Variants in HTR7 observed in about 807,000 individuals in gnomAD.
HTR7 encodes 5-HT-7.
In HTR7, 16 loss-of-function variants were observed where a neutral mutation model predicts 34.0. The observed-to-expected ratio is 0.47, with a 90% CI of 0.32 to 0.71. HTR7 has a LOEUF of 0.71. Ranked by LOEUF, HTR7 falls within the 30% of genes least tolerant of loss-of-function variation. The pLI is 0.04. For missense variants in HTR7, 504 were observed against 625.5 expected (o/e 0.81, Z 2.07); for synonymous variants, 265 against 260.2 (o/e 1.02, Z -0.18).
At chr10:90,816,644 C>T (rs1315745375) in intron 1 of HTR7, among the ~76,000 whole-genome samples, 1 of 152,136 alleles carries the variant, frequency 6.6e-6, no homozygotes, top group African/African-American at 2.4e-5. Flanking sequence ...TGTTTCACTT[C>T]GTCTGAGAAA....
intron 1 of HTR7, among the ~76,000 whole-genome samples, chr10:90,798,501 G>A (rs1206523626): frequency 6.6e-6 from 1 of 152,142 alleles, no homozygotes; most frequent in Non-Finnish European, 1.5e-5. Flanking sequence ...GATCACTTGA[G>A]CCCAAGAGTT....
chr10:90,813,485 G>A (rs1295081675), intron 1 of HTR7, among the ~76,000 whole-genome samples: 1 of 151,020 alleles, frequency 6.6e-6, no homozygotes, highest in Non-Finnish European at 1.5e-5. Flanking sequence ...TCATGCCACT[G>A]CACCCCAGCC....
At chr10:90,792,221 C>T (rs931330927) in intron 1 of HTR7, among the ~76,000 whole-genome samples, 1 of 152,014 alleles carries the variant, frequency 6.6e-6, no homozygotes, top group Non-Finnish European at 1.5e-5. Context: ...ATGTATAAGG[C>T]AAAGTAGTGC....
chr10:90,855,388 G>A (rs1846563124), intron 1 of HTR7, among the ~76,000 whole-genome samples: 1 of 152,228 alleles, frequency 6.6e-6, no homozygotes, highest in African/African-American at 2.4e-5. Flanking sequence ...CAGAAGAGGA[G>A]AAACACTGGC....
chr10:90,754,465 C>T (rs1163442159), intron 1 of HTR7, among the ~76,000 whole-genome samples: 1 of 151,952 alleles, frequency 6.6e-6, no homozygotes, highest in Non-Finnish European at 1.5e-5. Flanking sequence ...TTTAATCACA[C>T]TAACATTTTA....
chr10:90,801,914 T>C (rs753247240), intron 1 of HTR7, among the ~76,000 whole-genome samples: 1 of 152,198 alleles, frequency 6.6e-6, no homozygotes, highest in South Asian at 2.1e-4. Context: ...TTTTTGGTAC[T>C]TTATGGTGTG....
chr10:90,857,702 C>G lies in HTR7; in HGVS notation c.-31G>C. 2 of 1,461,782 alleles carry G rather than the reference C, an allele frequency of 1.4e-6. No individual in the cohort carries two copies. Among genetic ancestry groups the G allele is most frequent in the Non-Finnish European group, 1.8e-6 (2 of 1,120,756 alleles). 90.6% of individuals were successfully genotyped at this position (1,461,782 alleles called of 1,614,324 possible). On this transcript the variant is annotated 5_prime_UTR_variant, in exon 1 of 4. Transcript: ENST00000336152. This position sits in a 1 kb window ranked among gnomAD's most constrained non-coding sequence, Gnocchi z 6.5. Reference sequence around the variant, plus strand: ...CGCCGTGTGCCGCTGCCCATGGAGCCGGCGCCCCGGCCACGCGCCTCCGGC... The same window carrying G: ...CGCCGTGTGCCGCTGCCCATGGAGCGGGCGCCCCGGCCACGCGCCTCCGGC...
intron 1 of HTR7, among the ~76,000 whole-genome samples, chr10:90,815,211 C>A (rs1236352101): frequency 1.3e-5 from 2 of 151,940 alleles, no homozygotes; most frequent in African/African-American, 4.8e-5. Flanking sequence ...CCTGCCTCAG[C>A]CTCATGAGTA....
chr10:90,788,920 T>C (rs932181703), intron 1 of HTR7, among the ~76,000 whole-genome samples: 1 of 152,116 alleles, frequency 6.6e-6, no homozygotes, highest in African/African-American at 2.4e-5. Context: ...AAACTCCTAT[T>C]TATCCCTTAA....
chr10:90,783,862 C>T (rs1246830860), intron 1 of HTR7, among the ~76,000 whole-genome samples: 1 of 152,192 alleles, frequency 6.6e-6, no homozygotes, highest in Non-Finnish European at 1.5e-5. Flanking sequence ...ATGCTCCACT[C>T]ATGGTGTAGC....
intron 1 of HTR7, among the ~76,000 whole-genome samples, chr10:90,797,325 C>A (rs1399658691): frequency 2.0e-5 from 3 of 152,140 alleles, no homozygotes; most frequent in Non-Finnish European, 4.4e-5. Flanking sequence ...AGCTCTGGCT[C>A]CAATGTATTC....
At position 90,816,100 on chromosome 10, in the gene HTR7, G is replaced by A. The variant is rs547514916; in HGVS notation, c.539+41033C>T. Among the ~76,000 whole-genome samples, 12 of 152,314 alleles carry A rather than the reference G, an allele frequency of 7.9e-5. No homozygotes were observed. The South Asian group carries it at 2.5e-3, about 32-fold the overall frequency. ...ACGAGGAGATACTCATGAGCAAAGAGCTACTTTCTCCCTAGGACTGCGTCT... is the reference window on the plus strand; with the variant it reads ...ACGAGGAGATACTCATGAGCAAAGAACTACTTTCTCCCTAGGACTGCGTCT... On this transcript the variant is annotated intron_variant, in intron 1 of 3. Coordinates refer to ENST00000336152, the MANE Select transcript of HTR7 (RefSeq NM_019859.4).
At chr10:90,832,869 G>A (rs1320916710) in intron 1 of HTR7, among the ~76,000 whole-genome samples, 2 of 152,176 alleles carry the variant, frequency 1.3e-5, no homozygotes, top group African/African-American at 4.8e-5. Flanking sequence ...AAAGACCAGT[G>A]ACTTCCAGAC....
At chr10:90,849,661 A>C (rs530292737) in intron 1 of HTR7, among the ~76,000 whole-genome samples, 58 of 152,368 alleles carry the variant, frequency 3.8e-4, no homozygotes, top group African/African-American at 1.3e-3. Flanking sequence ...AAAGAAAATT[A>C]AAAATTTTAA....
chr10:90,848,391 T>A (rs575996667), intron 1 of HTR7, among the ~76,000 whole-genome samples: 69 of 152,290 alleles, frequency 4.5e-4, no homozygotes, highest in African/African-American at 1.2e-3. Context: ...ATGATATATA[T>A]TTCCTTCCTT....
At chr10:90,781,940 G>A (rs952082240) in intron 1 of HTR7, among the ~76,000 whole-genome samples, 1 of 152,190 alleles carries the variant, frequency 6.6e-6, no homozygotes, top group Admixed American at 6.5e-5. Flanking sequence ...CTTGCTTTGG[G>A]CACTTTCTCC....
chr10:90,836,792 G>A (rs528290292), intron 1 of HTR7, among the ~76,000 whole-genome samples: 1 of 152,112 alleles, frequency 6.6e-6, no homozygotes, highest in East Asian at 1.9e-4. Flanking sequence ...TCACAGGCAT[G>A]AGCCACCATG....
At chr10:90,806,141 T>C (rs1485070614) in intron 1 of HTR7, among the ~76,000 whole-genome samples, 1 of 152,146 alleles carries the variant, frequency 6.6e-6, no homozygotes, top group Non-Finnish European at 1.5e-5. Flanking sequence ...AAAGAAAAAG[T>C]AAATTTGTCT....
At chr10:90,838,756 T>C (rs965027261) in intron 1 of HTR7, among the ~76,000 whole-genome samples, 3 of 152,226 alleles carry the variant, frequency 2.0e-5, no homozygotes, top group African/African-American at 7.2e-5. Flanking sequence ...AAGTTCTTTT[T>C]CCTGATCTTC....
Sources: allele counts gnomAD v4.1 joint callset (sites outside exome capture counted in the v4.1 genomes callset), GRCh38; gene constraint gnomAD v4.1.1; non-coding constraint Gnocchi (gnomAD v3.1); transcripts MANE v1.5; gene names NCBI Gene and HGNC (gene_info 2026-07-23, HGNC 2026-07-21).